Variants in ENAH observed in about 807,000 individuals in gnomAD.
ENAH encodes the protein ENAH actin regulator, also known as protein enabled homolog.
In ENAH, 23 loss-of-function variants were observed where a neutral mutation model predicts 78.7. That is an observed-to-expected ratio of 0.29 (90% CI 0.21 to 0.41). ENAH has a LOEUF of 0.41. Among genes scored for constraint, ENAH ranks in the 10% least tolerant of loss-of-function variants. The pLI, the probability that ENAH is intolerant of heterozygous loss-of-function variation, is 1.00. For synonymous variants in ENAH, 226 were observed against 241.0 expected (o/e 0.94, Z 0.58); for missense variants, 544 against 691.0 (o/e 0.79, Z 2.39).
At chr1:225,516,613 C>T (rs865878111) in intron 6 of ENAH, among the ~76,000 whole-genome samples, 31 of 152,162 alleles carry the variant, frequency 2.0e-4, no homozygotes, top group Admixed American at 1.2e-3. Flanking sequence ...GGTGCTCACA[C>T]TTGTAATCCT....
At chr1:225,540,732 C>A (rs772758251) in intron 3 of ENAH, among the ~76,000 whole-genome samples, 14 of 151,076 alleles carry the variant, frequency 9.3e-5, no homozygotes, top group Non-Finnish European at 1.8e-4. Flanking sequence ...CTGAGGAAGG[C>A]TTCTTGCTTT....
chr1:225,639,005 C>A (rs1471563850), intron 1 of ENAH, among the ~76,000 whole-genome samples: 1 of 152,172 alleles, frequency 6.6e-6, no homozygotes, highest in Admixed American at 6.5e-5. Context: ...CTATGTCAGG[C>A]CATTTCACCT....
rs138793362 is a variant in ENAH, at chr1:225,551,021, T to C, written c.349+3885A>G. ...GTTTATATAATCCATAACTATTACC[T>C]ATAAAAATCTATAAATGTACTGGAT... On this transcript the variant is annotated intron_variant, in intron 3 of 13. Transcript: ENST00000366843. 1.0e-3 allele frequency among the ~76,000 whole-genome samples: 156 copies of C among 152,300 alleles called. 1 individual carries two copies. Among genetic ancestry groups the C allele is most frequent in the African/African-American group, 3.5e-3 (146 of 41,564 alleles).
chr1:225,604,086 C>T lies in ENAH; in HGVS notation c.6-36672G>A, dbSNP rs193166921. The stretch of plus-strand genomic sequence containing the variant: ...TAATAAGCAAAAACTTGCATGTATG[C>T]CAAAGAATCTTTAATAACACTACAC... On this transcript the variant is annotated intron_variant, in intron 1 of 13. Transcript: ENST00000366843. Among the ~76,000 whole-genome samples the T allele has an allele frequency of 3.1e-3, 479 of 152,212 alleles. 8 individuals carry two copies. Among genetic ancestry groups the T allele is most frequent in the Admixed American group, 0.029 (439 of 15,286 alleles).
intron 10 of ENAH, 87 bp from the exon 11 acceptor site, chr1:225,508,104 A>G: frequency 1.3e-6 from 1 of 781,074 alleles, no homozygotes; most frequent in Non-Finnish European, 1.9e-6. Context: ...AAATCTCATT[A>G]TACCTGTTTA....
intron 2 of ENAH, among the ~76,000 whole-genome samples, chr1:225,556,058 T>C (rs887921023): frequency 5.3e-5 from 8 of 152,226 alleles, no homozygotes; most frequent in Admixed American, 6.5e-5. Flanking sequence ...GTTTGTTCAT[T>C]TTCACTGCTC....
chr1:225,582,157 TCC>T (rs199559593), intron 1 of ENAH, among the ~76,000 whole-genome samples: 2 of 151,418 alleles, frequency 1.3e-5, no homozygotes, highest in African/African-American at 4.8e-5. Context: ...CTGGTTGTCT[TCC>T]CCCCCTCTCT....
At chr1:225,504,473 C>T (rs1292844866) in intron 11 of ENAH, among the ~76,000 whole-genome samples, 1 of 152,104 alleles carries the variant, frequency 6.6e-6, no homozygotes, top group Non-Finnish European at 1.5e-5. Flanking sequence ...TAAGAAAAAA[C>T]TAGTTCTTAA....
intron 1 of ENAH, among the ~76,000 whole-genome samples, chr1:225,589,990 G>C (rs1424824656): frequency 6.6e-6 from 1 of 151,434 alleles, no homozygotes; most frequent in Non-Finnish European, 1.5e-5. Context: ...AGTATTCTAA[G>C]AATTTTAAAT....
chr1:225,572,479 T>C (rs751019054), intron 1 of ENAH, among the ~76,000 whole-genome samples: 7 of 152,200 alleles, frequency 4.6e-5, no homozygotes, highest in Non-Finnish European at 8.8e-5. Context: ...ATGCAATAAC[T>C]TGAGCTTTCT....
At position 225,501,037 on chromosome 1, in the gene ENAH, G is replaced by A; in HGVS notation, c.1572C>T (p.Ala524=). The A allele has an allele frequency of 1.2e-6, 2 of 1,614,114 alleles. No homozygotes were observed. Among genetic ancestry groups the A allele is most frequent in the Non-Finnish European group, 1.7e-6 (2 of 1,180,006 alleles). ...PKSTPLSQPS[A]NGVQTEGLDY... Reference sequence around the variant, plus strand: ...CAAGTCCTTCCGTCTGGACTCCATTGGCACTGGGCTGTGATAAGGGTGTGG... The same window carrying A: ...CAAGTCCTTCCGTCTGGACTCCATTAGCACTGGGCTGTGATAAGGGTGTGG... Residue 524 remains alanine (A), a synonymous_variant, in exon 12 of 14, where the codon GCC becomes GCT. Coordinates refer to ENST00000366843, the MANE Select transcript of ENAH (RefSeq NM_018212.6).
rs1457537717 is a variant in ENAH, at chr1:225,652,977, C to G, written c.-287G>C. The G allele has an allele frequency of 6.0e-6, 2 of 334,530 alleles. No individual in the cohort carries two copies. The highest frequency in any genetic ancestry group is 1.1e-5 in the Non-Finnish European group (2 of 185,510). 20.7% of individuals were successfully genotyped at this position (334,530 alleles called of 1,614,324 possible). A position where few individuals can be genotyped will look rare whatever the true frequency, so the allele number is the denominator to read the frequency against. ...CGCCTCCCACCTCCTCGTGGTCCTG[C>G]TCCTCCTCCCGGAGCTTCCTCGGCC... On this transcript the variant is annotated 5_prime_UTR_variant, in exon 1 of 14. Transcript: ENST00000366843.
At chr1:225,517,895 T>A (rs764878806) in intron 5 of ENAH, 1 of 1,551,088 alleles carries the variant, frequency 6.4e-7, no homozygotes, top group Non-Finnish European at 8.7e-7. Context: ...GGAGCTGAGA[T>A]GACTTTAGCG....
intron 1 of ENAH, among the ~76,000 whole-genome samples, chr1:225,606,788 A>G (rs2096957786): frequency 1.4e-5 from 2 of 142,962 alleles, no homozygotes; most frequent in Admixed American, 7.4e-5. Context: ...GATTGCAGTG[A>G]GCCAACATAA....
At chr1:225,514,967 A>G in intron 6 of ENAH, 67 bp from the exon 7 acceptor site, 1 of 1,311,212 alleles carries the variant, frequency 7.6e-7, no homozygotes, top group Non-Finnish European at 1.1e-6. Context: ...TTATGTGGGA[A>G]GGTACGCAGA....
rs780191720 is a variant in ENAH at position 225,514,767 on chromosome 1, C to T, written c.1047G>A (p.Pro349=). 47 of 375,376 alleles carry T rather than the reference C, an allele frequency of 1.3e-4. No individual in the cohort carries two copies. Among genetic ancestry groups the T allele is most frequent in the South Asian group, 9.8e-4 (22 of 22,438 alleles). 23.3% of individuals were successfully genotyped at this position (375,376 alleles called of 1,614,324 possible). ...TAGGGAGAGGAGGGGGAGGAGGGGG[C>T]GGTGGAGGCCCGGTGGATGGGAGTG... ...PPPLPSTGPP[P]PPPPPPLPNQ... is the part of the protein sequence containing the mutation. The change falls in exon 7 of 14, where the codon CCG becomes CCA. Residue 349 remains proline (P), a synonymous_variant. Coordinates refer to ENST00000366843, the MANE Select transcript of ENAH (RefSeq NM_018212.6).
intron 4 of ENAH, among the ~76,000 whole-genome samples, chr1:225,527,207 G>A (rs529560512): frequency 6.6e-6 from 1 of 152,222 alleles, no homozygotes; most frequent in South Asian, 2.1e-4. Context: ...ACACGTTCCA[G>A]TAATAGTATA....
chr1:225,625,435 A>T (rs1558928643), intron 1 of ENAH, among the ~76,000 whole-genome samples: 4 of 152,218 alleles, frequency 2.6e-5, no homozygotes. Flanking sequence ...TCTTTTTAAA[A>T]AAAGAAGTCG....
At chr1:225,614,490 A>T (rs2097013104) in intron 1 of ENAH, among the ~76,000 whole-genome samples, 1 of 152,072 alleles carries the variant, frequency 6.6e-6, no homozygotes, top group African/African-American at 2.4e-5. Context: ...CTGCACTTGG[A>T]TGTGTTCTTG....
Sources: gnomAD v4.1 joint callset for allele counts (sites outside exome capture counted in the v4.1 genomes callset) on GRCh38, gnomAD v4.1.1 for gene constraint, MANE v1.5 for transcripts, NCBI Gene and HGNC (gene_info 2026-07-23, HGNC 2026-07-21) for gene names.